TJP3: variants seen among roughly 807,000 people sequenced by gnomAD.
The protein encoded by TJP3 is tight junction protein 3.
In TJP3, 85 loss-of-function variants were observed where a neutral mutation model predicts 104.2. That is an observed-to-expected ratio of 0.82 (90% CI 0.68 to 0.98). The LOEUF is 0.98. Among genes scored for constraint, TJP3 ranks in the 50% least tolerant of loss-of-function variants. The probability of loss-of-function intolerance (pLI) is 0.00; values close to 1 mark genes in which losing one functional copy is unlikely to be tolerated. For synonymous variants in TJP3, 550 were observed against 550.6 expected (o/e 1.00, Z 0.02); for missense variants, 1,367 against 1,322.8 (o/e 1.03, Z -0.52).
At chr19:3,726,142 AG>A (rs1015244544) in intron 1 of TJP3, among the ~76,000 whole-genome samples, 3 of 152,172 alleles carry the variant, frequency 2.0e-5, no homozygotes, top group African/African-American at 7.2e-5. Flanking sequence ...CCCGGGGAGG[AG>A]GAGGAGTCAC....
At chr19:3,736,916 G>A (rs2036746629) in intron 11 of TJP3, among the ~76,000 whole-genome samples, 1 of 138,134 alleles carries the variant, frequency 7.2e-6, no homozygotes, top group African/African-American at 2.7e-5. Flanking sequence ...GTCTTGCTCT[G>A]TCACCCAGGC....
chr19:3,726,855 G>C (rs913343173), intron 1 of TJP3, among the ~76,000 whole-genome samples: 1 of 151,890 alleles, frequency 6.6e-6, no homozygotes, highest in Non-Finnish European at 1.5e-5. Flanking sequence ...GGAGGCCAAG[G>C]CTGGAGAATC....
chr19:3,742,942 C>T (rs56045722), intron 14 of TJP3, among the ~76,000 whole-genome samples: 21,464 of 147,530 alleles, frequency 0.15, 1,771 homozygotes, highest in South Asian at 0.29. Context: ...CCGCCAGCCT[C>T]GGTGACACAG....
intron 5 of TJP3, among the ~76,000 whole-genome samples, chr19:3,731,110 C>G (rs1054980687): frequency 6.6e-6 from 1 of 152,354 alleles, no homozygotes. Flanking sequence ...CTCTTTCTCT[C>G]TGAACCTGGT....
chr19:3,739,433 T>C (rs933546922), intron 13 of TJP3, among the ~76,000 whole-genome samples: 1 of 152,090 alleles, frequency 6.6e-6, no homozygotes, highest in South Asian at 2.1e-4. Flanking sequence ...GAGGTTACAG[T>C]GAGCCGAGAT....
chr19:3,713,331 C>T (rs1266147473), intron 1 of TJP3, among the ~76,000 whole-genome samples: 2 of 152,228 alleles, frequency 1.3e-5, no homozygotes, highest in Non-Finnish European at 2.9e-5. Context: ...CCCCAAAACC[C>T]ATGACGCCAG....
In TJP3 at chr19:3,730,309, CCA is replaced by C. The variant is rs1285518724; in HGVS notation, c.262-45_262-44del. 6.7e-7 allele frequency: 1 copy of C among 1,494,270 alleles called. No homozygotes were observed. Among genetic ancestry groups the C allele is most frequent in the East Asian group, 2.4e-5 (1 of 40,944 alleles). 92.6% of individuals were successfully genotyped at this position (1,494,270 alleles called of 1,614,324 possible). On this transcript the variant is annotated intron_variant, in intron 4 of 20. Transcript: ENST00000541714. The surrounding 1 kb of genome is among the most constrained non-coding windows in gnomAD (Gnocchi z 7.3). ...ACCCGGGGGCTGAGCAGAGCCTCCCCCAGCCCTTGCCTGTAGCTGACCCTTCC... is the reference window on the plus strand; with the variant it reads ...ACCCGGGGGCTGAGCAGAGCCTCCCCGCCCTTGCCTGTAGCTGACCCTTCC...
rs111289034 is a variant in TJP3, at chr19:3,734,322, T to TC, written c.878-5_878-4insC. ...TGGCTGATGAGATGTCCTCTCCCCCTGCAGACATCTCGGACCTCGCCTCGG... is the reference window on the plus strand; with the variant it reads ...TGGCTGATGAGATGTCCTCTCCCCCTCGCAGACATCTCGGACCTCGCCTCGG... On this transcript the variant is annotated splice_polypyrimidine_tract_variant and splice_region_variant and intron_variant, in intron 7 of 20. Transcript: ENST00000541714. The TC allele has an allele frequency of 9.9e-5, 159 of 1,613,416 alleles. 2 individuals are homozygous for TC. The African/African-American group carries it at 1.7e-3, about 17-fold the overall frequency.
intron 1 of TJP3, among the ~76,000 whole-genome samples, chr19:3,720,828 C>T (rs2036533824): frequency 3.3e-5 from 5 of 151,802 alleles, no homozygotes; most frequent in Admixed American, 1.3e-4. Flanking sequence ...GAAGAATTTC[C>T]TCCTGCCTTG....
At position 3,735,904 on chromosome 19, in the gene TJP3, G is replaced by A; in HGVS notation, c.1096G>A (p.Val366Met). The A allele has an allele frequency of 1.2e-6, 2 of 1,614,184 alleles. No homozygotes were observed. Among genetic ancestry groups the A allele is most frequent in the South Asian group, 1.1e-5 (1 of 91,088 alleles). The change falls in exon 10 of 21, where the codon GTG becomes ATG. Residue 366 changes from valine to methionine, a missense_variant. Physicochemically the swap from Val to Met is conservative, Grantham distance 21. Coordinates refer to ENST00000541714, the MANE Select transcript of TJP3 (RefSeq NM_001267560.2). ...GGAAAGCAGCTATGACATCTACAGA[G>A]TGCCCAGCAGTCAGAGCATGGAGGA... ...PRESSYDIYR[V>M]PSSQSMEDRG...
chr19:3,729,246 T>C (rs544779246), intron 3 of TJP3, among the ~76,000 whole-genome samples: 1 of 152,264 alleles, frequency 6.6e-6, no homozygotes, highest in East Asian at 1.9e-4. Context: ...CATAAAGTCC[T>C]GGAAACCATC....
chr19:3,748,267 ATTTTTTTTTTT>A (rs1274711670), intron 19 of TJP3, among the ~76,000 whole-genome samples, 186 bp downstream of exon 19: 1 of 119,748 alleles, frequency 8.4e-6, no homozygotes, highest in Non-Finnish European at 1.7e-5. Context: ...AACTTGCAGC[ATTTTTTTTTTT>A]TTTTTTTTTT....
At chr19:3,711,028 C>G (rs1403983620) in intron 1 of TJP3, among the ~76,000 whole-genome samples, 3 of 149,852 alleles carry the variant, frequency 2.0e-5, no homozygotes, top group Admixed American at 6.7e-5. Context: ...CTCAGCCTCC[C>G]GAGTAGCTGG....
rs2036734113 is a variant in TJP3, at chr19:3,735,999, C to G, written c.1127+64C>G. On this transcript the variant is annotated intron_variant, in intron 10 of 20. Transcript: ENST00000541714. ...CTACATCCCAGGCTGCCTCCCTCATCAGCGCAATCCTGCCTGCTTGTATCC... is the reference window on the plus strand; with the variant it reads ...CTACATCCCAGGCTGCCTCCCTCATGAGCGCAATCCTGCCTGCTTGTATCC... The G allele has an allele frequency of 1.9e-6, 3 of 1,601,562 alleles. No homozygotes were observed. The African/African-American group carries it at 4.0e-5, about 22-fold the overall frequency.
intron 1 of TJP3, among the ~76,000 whole-genome samples, chr19:3,727,784 A>C (rs1438187107): frequency 6.6e-6 from 1 of 151,398 alleles, no homozygotes; most frequent in Non-Finnish European, 1.5e-5. Context: ...GTAGGTGCCC[A>C]GCTACTCAGG....
At chr19:3,723,808 A>ATATAT (rs1555737859) in intron 1 of TJP3, among the ~76,000 whole-genome samples, 14 of 128,944 alleles carry the variant, frequency 1.1e-4, no homozygotes, top group South Asian at 5.0e-4. Flanking sequence ...AAAAAAAAAA[A>ATATAT]ATATATATAT....
At chr19:3,735,217 G>A (rs11085038) in intron 8 of TJP3, among the ~76,000 whole-genome samples, 46,773 of 151,342 alleles carry the variant, frequency 0.31, 7,630 homozygotes, top group Admixed American at 0.49. Flanking sequence ...TTATTTTTTT[G>A]GAGACAAGGT....
chr19:3,750,238 ACT>A, intron 20 of TJP3, 54 bp downstream of exon 20: 2 of 1,608,842 alleles, frequency 1.2e-6, no homozygotes, highest in Non-Finnish European at 1.7e-6. Context: ...TGGGACTCAG[ACT>A]CTGCGGACTC....
chr19:3,719,440 ATG>A (rs373866388), intron 1 of TJP3, among the ~76,000 whole-genome samples: 1 of 150,510 alleles, frequency 6.6e-6, no homozygotes, highest in African/African-American at 2.5e-5. Context: ...TCTATAAAAT[ATG>A]TGTGTGTGTG....
Sources: allele counts gnomAD v4.1 joint callset (sites outside exome capture counted in the v4.1 genomes callset), GRCh38; gene constraint gnomAD v4.1.1; non-coding constraint Gnocchi (gnomAD v3.1); transcripts MANE v1.5; gene names NCBI Gene and HGNC (gene_info 2026-07-23, HGNC 2026-07-21).